The following MYO18B variants were observed in gnomAD, a reference collection of about 807,000 sequenced individuals.
The protein encoded by MYO18B is unconventional myosin-XVIIIb.
A neutral mutation model predicts 273.0 loss-of-function variants in MYO18B; 204 were observed. That is an observed-to-expected ratio of 0.75 (90% CI 0.67 to 0.84). MYO18B has a LOEUF of 0.84. Ranked by LOEUF, MYO18B falls within the 40% of genes least tolerant of loss-of-function variation. The pLI, the probability that MYO18B is intolerant of heterozygous loss-of-function variation, is 0.00. For synonymous variants in MYO18B, 1,330 were observed against 1,305.7 expected, an observed-to-expected ratio of 1.02 and a Z score of -0.40; for missense variants, 3,212 against 3,287.6, an observed-to-expected ratio of 0.98 and a Z score of 0.56.
At chr22:26,018,539 A>C (rs1021616895) in intron 42 of MYO18B, among the ~76,000 whole-genome samples, 1 of 152,202 alleles carries the variant, frequency 6.6e-6, no homozygotes, top group East Asian at 1.9e-4. Context: ...TGCAGATTGA[A>C]TAAGCTAAGA....
chr22:25,833,041 G>A (rs1474241009), intron 16 of MYO18B, 44 bp downstream of exon 16: 7 of 1,565,342 alleles, frequency 4.5e-6, no homozygotes, highest in Non-Finnish European at 6.2e-6. Context: ...ATGCCAGTTG[G>A]CCATATTGAA....
At chr22:25,826,207 G>T (rs1433699113) in intron 13 of MYO18B, among the ~76,000 whole-genome samples, 1 of 152,202 alleles carries the variant, frequency 6.6e-6, no homozygotes, top group Admixed American at 6.5e-5. Context: ...TGAAGGTAGG[G>T]CAGGTTACAT....
intron 25 of MYO18B, among the ~76,000 whole-genome samples, chr22:25,888,467 G>T (rs752207926): frequency 8.5e-5 from 13 of 152,058 alleles, no homozygotes; most frequent in Non-Finnish European, 1.8e-4. Context: ...TTGCTATGTT[G>T]CCCAGGCTGG....
rs559374591 is a variant in MYO18B at position 25,818,298 on chromosome 22, T to G, written c.2522-5207T>G. Among the ~76,000 whole-genome samples the G allele has an allele frequency of 3.9e-5, 6 of 152,176 alleles. No individual in the cohort carries two copies. The South Asian group carries it at 1.0e-3, about 26-fold the overall frequency. ...TTTGTGTCTCTCTGCCTCTCTCACT[T>G]TGGTTTTATCTTGTATCCCATCTTC... On this transcript the variant is annotated intron_variant, in intron 12 of 43. Transcript: ENST00000335473.
At chr22:25,823,445 T>A (rs5752226) in intron 12 of MYO18B, 60 bp from the exon 13 acceptor site, 93 of 1,545,548 alleles carry the variant, frequency 6.0e-5, no homozygotes, top group Non-Finnish European at 7.7e-5. Context: ...TCCTCTCGGG[T>A]GTTCATTCAC....
At chr22:25,867,379 A>G (rs1217421454) in intron 21 of MYO18B, among the ~76,000 whole-genome samples, 1 of 152,200 alleles carries the variant, frequency 6.6e-6, no homozygotes, top group Non-Finnish European at 1.5e-5. Context: ...ATCATGCAGT[A>G]CTTGTCCTTT....
chr22:25,760,996 C>A lies in MYO18B; in HGVS notation c.-97C>A. 7.5e-7 allele frequency: 1 copy of A among 1,334,768 alleles called. No homozygotes were observed. Among genetic ancestry groups the A allele is most frequent in the Non-Finnish European group, 1.1e-6 (1 of 933,074 alleles). The allele number at this position is 1,334,768 out of a possible 1,614,324, so 82.7% of individuals were successfully genotyped here. A position where few individuals can be genotyped will look rare whatever the true frequency, so the allele number is the denominator to read the frequency against. ...CCCTGTGTGTCAGTTCTGTGTCCATCTCATGTGCTGCGTGTGTCTGTAAAG... is the reference window on the plus strand; with the variant it reads ...CCCTGTGTGTCAGTTCTGTGTCCATATCATGTGCTGCGTGTGTCTGTAAAG... On this transcript the variant is annotated 5_prime_UTR_variant, in exon 2 of 44. Coordinates refer to ENST00000335473, the MANE Select transcript of MYO18B (RefSeq NM_032608.7).
At position 25,992,404 on chromosome 22, in the gene MYO18B, CCAGA is replaced by C; in HGVS notation, c.6204_6207del (p.Asp2069TrpfsTer60). The C allele has an allele frequency of 6.2e-7, 1 of 1,614,036 alleles. No individual in the cohort carries two copies. Reference sequence around the variant, plus strand: ...AACTTGCAGCAGTGAGGCAAACCCTCCAGACAGACCTGGAGACATCCATTCGGCG... The same window carrying C: ...AACTTGCAGCAGTGAGGCAAACCCTCCAGACCTGGAGACATCCATTCGGCG... On this transcript the variant is annotated frameshift_variant, in exon 40 of 44. Coordinates refer to ENST00000335473, the MANE Select transcript of MYO18B (RefSeq NM_032608.7). LOFTEE classifies it high-confidence loss of function.
chr22:25,868,739 C>T lies in MYO18B; in HGVS notation c.3951+354C>T, dbSNP rs189111374. Among the ~76,000 whole-genome samples the T allele has an allele frequency of 3.9e-4, 60 of 152,284 alleles. 1 individual carries two copies. Among genetic ancestry groups the T allele is most frequent in the Admixed American group, 1.6e-3 (25 of 15,300 alleles). ...CTCATCTTCACTCACAGCCTTTTAA[C>T]TTCTGCTTTGCAACCAGCTCTAACA... On this transcript the variant is annotated intron_variant, in intron 22 of 43. Coordinates refer to ENST00000335473, the MANE Select transcript of MYO18B (RefSeq NM_032608.7).
rs368539568 is a variant in MYO18B, at chr22:25,768,714, C to T, written c.798C>T (p.Thr266=). 3.9e-5 allele frequency: 62 copies of T among 1,584,066 alleles called. No homozygotes were observed. The highest frequency in any genetic ancestry group is 5.3e-5 in the Non-Finnish European group (62 of 1,166,008). ...CCCAGGGCAAAGACAGGCAGGGGAC[C>T]AGGCCCCAAGCCCAAGGGCCCGGCG... ...AEPQGKDRQG[T]RPQAQGPGEG... The change falls in exon 4 of 44, where the codon ACC becomes ACT. Residue 266 remains threonine (T), a synonymous_variant. Coordinates refer to ENST00000335473, the MANE Select transcript of MYO18B (RefSeq NM_032608.7).
chr22:26,058,368 G>A, the MYO18B span, among the ~76,000 whole-genome samples: 16 of 152,238 alleles, frequency 1.1e-4, no homozygotes, highest in African/African-American at 3.9e-4. Context: ...CAGTCAATAG[G>A]AGAAGGCATT....
the MYO18B span, among the ~76,000 whole-genome samples, chr22:26,054,122 C>T: frequency 3.3e-5 from 5 of 152,114 alleles, no homozygotes; most frequent in Non-Finnish European, 7.4e-5. Flanking sequence ...GGTTTCTAGT[C>T]TGGGTGACTG....
At chr22:25,991,644 G>A (rs530340764) in intron 39 of MYO18B, among the ~76,000 whole-genome samples, 2 of 152,342 alleles carry the variant, frequency 1.3e-5, no homozygotes, top group South Asian at 4.2e-4. Flanking sequence ...GAGGCACCGA[G>A]CTTGAGTTCC....
At chr22:25,891,838 G>A (rs2091670139) in intron 27 of MYO18B, among the ~76,000 whole-genome samples, 2 of 152,038 alleles carry the variant, frequency 1.3e-5, no homozygotes, top group Non-Finnish European at 2.9e-5. Context: ...ACCAGCCTGG[G>A]CAACATAGTG....
At chr22:25,868,471 A>G (rs2090954730) in intron 22 of MYO18B, 86 bp downstream of exon 22, 3 of 1,147,214 alleles carry the variant, frequency 2.6e-6, no homozygotes, top group Non-Finnish European at 2.5e-6. Flanking sequence ...TCAATTGTCT[A>G]TTATCTCTGT....
At position 25,768,545 on chromosome 22, in the gene MYO18B, C is replaced by T. The variant is rs2086593988; in HGVS notation, c.629C>T (p.Ala210Val). 8 of 1,545,318 alleles carry T rather than the reference C, an allele frequency of 5.2e-6. No homozygotes were observed. The highest frequency in any genetic ancestry group is 7.0e-6 in the Non-Finnish European group (8 of 1,149,506). Residue 210 changes from alanine to valine, a missense_variant, in exon 4 of 44, where the codon GCC (alanine) becomes GTC (valine). Transcript: ENST00000335473. Reference sequence around the variant, plus strand: ...TCCCAGGCCAGCACCGAGATCTTGGCCCCGAAAGCTGAGAAGACCCGGACT... The same window carrying T: ...TCCCAGGCCAGCACCGAGATCTTGGTCCCGAAAGCTGAGAAGACCCGGACT... The part of the protein sequence containing the change: ...CGSQASTEIL[A>V]PKAEKTRTGG...
At chr22:25,931,427 T>C (rs2092499174) in intron 34 of MYO18B, among the ~76,000 whole-genome samples, 1 of 152,206 alleles carries the variant, frequency 6.6e-6, no homozygotes, top group African/African-American at 2.4e-5. Flanking sequence ...ACGGGGAACA[T>C]TGATTCTTTA....
At chr22:25,985,934 C>T (rs1305196386) in intron 39 of MYO18B, among the ~76,000 whole-genome samples, 1 of 152,196 alleles carries the variant, frequency 6.6e-6, no homozygotes, top group Admixed American at 6.5e-5. Context: ...GCCCAGCCTA[C>T]AGGGCTTTTA....
rs762287669 is a variant in MYO18B at position 25,769,125 on chromosome 22, G to A, written c.1209G>A (p.Gly403=). ...EKMGQPQGKS[G]NAGEARSQTE... is the part of the protein sequence containing the mutation. Reference sequence around the variant, plus strand: ...TGGGGCAACCCCAGGGTAAGTCCGGGAACGCAGGTGAAGCTCGGAGTCAGA... The same window carrying A: ...TGGGGCAACCCCAGGGTAAGTCCGGAAACGCAGGTGAAGCTCGGAGTCAGA... Residue 403 remains glycine, a synonymous_variant, in exon 4 of 44, where the codon GGG becomes GGA. Transcript: ENST00000335473. 96 of 1,613,528 alleles carry A rather than the reference G, an allele frequency of 5.9e-5. No homozygotes were observed. The highest frequency in any genetic ancestry group is 8.0e-5 in the Non-Finnish European group (94 of 1,179,780).
Sources: allele counts gnomAD v4.1 joint callset (sites outside exome capture counted in the v4.1 genomes callset), GRCh38; gene constraint gnomAD v4.1.1; transcripts MANE v1.5; gene names NCBI Gene and HGNC (gene_info 2026-07-23, HGNC 2026-07-21).